VRK2: variants seen among roughly 807,000 people sequenced by gnomAD.
The protein encoded by VRK2 is VRK serine/threonine kinase 2, also known as serine/threonine-protein kinase VRK2.
VRK2 carries 60 observed loss-of-function variants against 57.6 expected under a neutral mutation model. The observed-to-expected ratio is 1.04, with a 90% CI of 0.85 to 1.29. The LOEUF (loss-of-function observed/expected upper bound fraction) is 1.29. VRK2 is among the 50% of genes most tolerant of loss of function. The pLI is 0.00. For missense variants in VRK2, 705 were observed against 588.1 expected (o/e 1.20, Z -2.06); for synonymous variants, 231 against 199.2 (o/e 1.16, Z -1.35).
chr2:58,053,902 G>GAAACTATAGTTTCTATCAT (rs1192371088), intron 2 of VRK2, among the ~76,000 whole-genome samples: 1 of 152,062 alleles, frequency 6.6e-6, no homozygotes, highest in Non-Finnish European at 1.5e-5. Context: ...ATTTGGACTA[G>GAAACTATAGTTTCTATCAT]AAACTATAGT....
chr2:57,956,536 T>C (rs995325688), intron 1 of VRK2, among the ~76,000 whole-genome samples: 1 of 152,198 alleles, frequency 6.6e-6, no homozygotes, highest in African/African-American at 2.4e-5. Flanking sequence ...TCTCTTACTT[T>C]TTCTAGGTTT....
chr2:58,101,998 G>T (rs1674035718), intron 7 of VRK2, among the ~76,000 whole-genome samples: 1 of 151,614 alleles, frequency 6.6e-6, no homozygotes, highest in African/African-American at 2.4e-5. Context: ...ACCAAGTAGA[G>T]CTGGATATAC....
chr2:58,155,556 A>C (rs17049378), intron 12 of VRK2, among the ~76,000 whole-genome samples: 26,197 of 151,984 alleles, frequency 0.17, 2,328 homozygotes, highest in Middle Eastern at 0.2. Context: ...TCAGAGCTCT[A>C]TCTCACAATT....
chr2:58,023,726 C>T (rs1213619615), intron 1 of VRK2, among the ~76,000 whole-genome samples: 1 of 152,040 alleles, frequency 6.6e-6, no homozygotes, highest in African/African-American at 2.4e-5. Flanking sequence ...CAAAGATACA[C>T]ATTAGAAATC....
At chr2:58,103,370 G>C (rs940027776) in intron 7 of VRK2, among the ~76,000 whole-genome samples, 4 of 151,182 alleles carry the variant, frequency 2.6e-5, no homozygotes, top group Admixed American at 6.6e-5. Flanking sequence ...ACCAAGAATA[G>C]AGAAGTTCCA....
chr2:57,992,682 G>A (rs547700495), intron 1 of VRK2, among the ~76,000 whole-genome samples: 4 of 152,084 alleles, frequency 2.6e-5, no homozygotes, highest in Non-Finnish European at 5.9e-5. Flanking sequence ...GACTACAGGC[G>A]CCCGCCACCG....
chr2:58,137,217 T>TATATCATATATGATAC (rs1558687240), intron 10 of VRK2, among the ~76,000 whole-genome samples: 1 of 58,328 alleles, frequency 1.7e-5, no homozygotes, highest in Admixed American at 1.5e-4. Context: ...ATATGATACA[T>TATATCATATATGATAC]ATATATCATA....
At chr2:57,993,707 T>C (rs1672839695) in intron 1 of VRK2, among the ~76,000 whole-genome samples, 2 of 152,234 alleles carry the variant, frequency 1.3e-5, no homozygotes, top group African/African-American at 4.8e-5. Context: ...AACTCTGACA[T>C]GAATTGAACC....
intron 7 of VRK2, among the ~76,000 whole-genome samples, chr2:58,095,033 C>T (rs1308013228): frequency 1.3e-5 from 2 of 152,132 alleles, no homozygotes; most frequent in Admixed American, 6.5e-5. Flanking sequence ...CGGTGGCTCA[C>T]GCCTGTAATC....
chr2:58,139,816 C>A lies in VRK2; in HGVS notation c.1007C>A (p.Thr336Asn), dbSNP rs760966383. Residue 336 changes from threonine (T) to asparagine (N), a missense_variant, in exon 11 of 13, where the codon ACT (threonine) becomes AAT (asparagine). Transcript: ENST00000340157. ...STKGQSINVHTPNSQKVDSQK... is the reference protein window; with the variant it reads ...STKGQSINVHNPNSQKVDSQK... ...AAAGGACAGAGTATAAATGTCCATA[C>A]TCCAAACAGTCAAAAAGTAAGTAAC... 9 of 1,611,150 alleles carry A rather than the reference C, an allele frequency of 5.6e-6. No homozygotes were observed. In the South Asian group the frequency reaches 9.9e-5, roughly 18 times the overall value.
chr2:58,037,865 C>A (rs1674325141), intron 3 of VRK2, among the ~76,000 whole-genome samples: 1 of 152,016 alleles, frequency 6.6e-6, no homozygotes, highest in South Asian at 2.1e-4. Context: ...AGTTTCTTAA[C>A]CTTACTAGTA....
At chr2:58,137,894 C>T (rs1680772703) in intron 10 of VRK2, among the ~76,000 whole-genome samples, 1 of 152,048 alleles carries the variant, frequency 6.6e-6, no homozygotes, top group East Asian at 1.9e-4. Context: ...AACATTTAAA[C>T]CAGTATTACA....
At chr2:58,037,801 G>T (rs554377806) in intron 3 of VRK2, among the ~76,000 whole-genome samples, 1 of 152,206 alleles carries the variant, frequency 6.6e-6, no homozygotes, top group East Asian at 1.9e-4. Flanking sequence ...AATGGGTAGA[G>T]CTATGGCCAA....
At chr2:58,005,721 G>A (rs1673222237) in intron 1 of VRK2, among the ~76,000 whole-genome samples, 1 of 152,102 alleles carries the variant, frequency 6.6e-6, no homozygotes, top group Non-Finnish European at 1.5e-5. Context: ...CTTTGGTAGG[G>A]TGTCTACTGT....
At chr2:58,025,027 T>G (rs554065590) in intron 1 of VRK2, among the ~76,000 whole-genome samples, 2 of 152,212 alleles carry the variant, frequency 1.3e-5, no homozygotes, top group African/African-American at 4.8e-5. Flanking sequence ...GTGGGCAAAG[T>G]ACGCTTCATA....
chr2:58,126,364 G>A (rs1028631964), intron 8 of VRK2, among the ~76,000 whole-genome samples: 7 of 152,032 alleles, frequency 4.6e-5, no homozygotes, highest in Admixed American at 2.0e-4. Flanking sequence ...AAAAACTCAA[G>A]CTAAATCTCA....
chr2:57,941,381 T>C lies in VRK2; in HGVS notation c.-439+33542T>C, dbSNP rs747689068. Among the ~76,000 whole-genome samples, 5 of 152,192 alleles carry C rather than the reference T, an allele frequency of 3.3e-5. No individual in the cohort carries two copies. In the South Asian group the frequency reaches 6.2e-4, roughly 19 times the overall value. On this transcript the variant is annotated intron_variant, in intron 1 of 15. Coordinates refer to the VRK2 transcript ENST00000417641. ...ATGGCTGAACTGGACACATACTGTG[T>C]TTTAATTTGATCTACCATGAGCACC...
intron 2 of VRK2, chr2:58,028,446 C>G (rs1025071657): frequency 2.6e-5 from 4 of 151,966 alleles, no homozygotes; most frequent in Non-Finnish European, 5.9e-5. Context: ...CTTTATAGCA[C>G]CATGATTTAT....
At chr2:57,985,053 C>G (rs1042163831) in intron 1 of VRK2, among the ~76,000 whole-genome samples, 2 of 151,884 alleles carry the variant, frequency 1.3e-5, no homozygotes, top group African/African-American at 4.8e-5. Context: ...ATTTTCTGAT[C>G]ATTTGAGGCA....
Sources: allele counts gnomAD v4.1 joint callset (sites outside exome capture counted in the v4.1 genomes callset), GRCh38; gene constraint gnomAD v4.1.1; transcripts MANE v1.5; gene names NCBI Gene and HGNC (gene_info 2026-07-23, HGNC 2026-07-21).